The following SLC24A2 variants were observed in gnomAD, a reference collection of about 807,000 sequenced individuals.
SLC24A2 encodes the protein sodium/potassium/calcium exchanger 2.
Under a neutral mutation model 62.0 loss-of-function variants are expected in SLC24A2, and 36 were observed. That is an observed-to-expected ratio of 0.58 (90% CI 0.44 to 0.77). SLC24A2 has a LOEUF of 0.77. SLC24A2 is among the 30% of genes least tolerant of loss of function. The pLI, the probability that SLC24A2 is intolerant of heterozygous loss-of-function variation, is 0.00. For synonymous variants in SLC24A2, 358 were observed against 294.0 expected (o/e 1.22, Z -2.23); for missense variants, 846 against 817.9 (o/e 1.03, Z -0.42).
At chr9:19,722,018 C>T (rs1821040922) in intron 2 of SLC24A2, among the ~76,000 whole-genome samples, 1 of 152,132 alleles carries the variant, frequency 6.6e-6, no homozygotes. Context: ...ATTCCTCATA[C>T]CCCATTGGTT....
At chr9:19,850,406 C>CAT in the SLC24A2 span, among the ~76,000 whole-genome samples, 4 of 151,988 alleles carry the variant, frequency 2.6e-5, no homozygotes, top group Non-Finnish European at 5.9e-5. Context: ...ATGTGCAAAG[C>CAT]ATATATATAT....
the SLC24A2 span, among the ~76,000 whole-genome samples, chr9:20,259,478 C>T: frequency 6.6e-6 from 1 of 152,070 alleles, no homozygotes; most frequent in Admixed American, 6.5e-5. Flanking sequence ...ATTTATCACA[C>T]TCGCCCTACC....
chr9:19,943,519 A>T, the SLC24A2 span, among the ~76,000 whole-genome samples: 1 of 152,162 alleles, frequency 6.6e-6, no homozygotes, highest in Non-Finnish European at 1.5e-5. Flanking sequence ...TACAGTATAT[A>T]TACTGCTTTT....
the SLC24A2 span, among the ~76,000 whole-genome samples, chr9:20,145,328 C>T: frequency 3.9e-4 from 60 of 152,100 alleles, 2 homozygotes; most frequent in African/African-American, 1.4e-3. Context: ...GGGGATATAA[C>T]ATGGGGGATA....
the SLC24A2 span, among the ~76,000 whole-genome samples, chr9:20,053,153 G>A: frequency 0.018 from 2,795 of 152,038 alleles, 81 homozygotes; most frequent in African/African-American, 0.064. Flanking sequence ...TTGATTTCTC[G>A]TCAACTTCAC....
At chr9:20,027,229 G>C in the SLC24A2 span, among the ~76,000 whole-genome samples, 1 of 152,070 alleles carries the variant, frequency 6.6e-6, no homozygotes, top group South Asian at 2.1e-4. Flanking sequence ...AGCTATTATG[G>C]AAAACAGTAG....
chr9:19,768,748 T>C (rs1007997727), intron 2 of SLC24A2, among the ~76,000 whole-genome samples: 8 of 152,218 alleles, frequency 5.3e-5, no homozygotes, highest in Non-Finnish European at 8.8e-5. Flanking sequence ...TGTGGTTGAC[T>C]GTGGTTGACC....
chr9:20,072,838 A>C, the SLC24A2 span, among the ~76,000 whole-genome samples: 1 of 152,164 alleles, frequency 6.6e-6, no homozygotes, highest in East Asian at 1.9e-4. Context: ...TTCAGAAGGA[A>C]GCAGACCCGC....
chr9:20,022,420 G>A, the SLC24A2 span, among the ~76,000 whole-genome samples: 1 of 152,202 alleles, frequency 6.6e-6, no homozygotes, highest in Non-Finnish European at 1.5e-5. Flanking sequence ...CTAAGGCACA[G>A]AACAATTATG....
At chr9:20,233,028 G>C in the SLC24A2 span, among the ~76,000 whole-genome samples, 1 of 152,076 alleles carries the variant, frequency 6.6e-6, no homozygotes, top group Non-Finnish European at 1.5e-5. Context: ...CCATGTAGTT[G>C]AGTGGTTTTG....
chr9:20,124,965 T>C, the SLC24A2 span, among the ~76,000 whole-genome samples: 3 of 152,178 alleles, frequency 2.0e-5, no homozygotes, highest in Non-Finnish European at 4.4e-5. Context: ...AGAAAGAGCA[T>C]GGACAAACAA....
intron 9 of SLC24A2, among the ~76,000 whole-genome samples, chr9:19,522,933 G>A (rs1240526465): frequency 6.6e-6 from 1 of 152,208 alleles, no homozygotes; most frequent in African/African-American, 2.4e-5. Flanking sequence ...CTGAGCAGAT[G>A]CTGACTAAAC....
chr9:20,251,502 T>C, the SLC24A2 span, among the ~76,000 whole-genome samples: 1 of 152,182 alleles, frequency 6.6e-6, no homozygotes, highest in Non-Finnish European at 1.5e-5. Flanking sequence ...CTTTTCCATG[T>C]TTGCTCAATC....
chr9:20,162,337 T>C, the SLC24A2 span, among the ~76,000 whole-genome samples: 2 of 151,724 alleles, frequency 1.3e-5, no homozygotes, highest in Non-Finnish European at 3.0e-5. Flanking sequence ...ATAAAATGCC[T>C]AGGCATAAAT....
chr9:20,187,398 C>T, the SLC24A2 span, among the ~76,000 whole-genome samples: 3 of 151,798 alleles, frequency 2.0e-5, no homozygotes, highest in Non-Finnish European at 4.4e-5. Context: ...CTTTTCCTGA[C>T]CCCCCGTTGC....
the SLC24A2 span, among the ~76,000 whole-genome samples, chr9:20,092,120 T>C: frequency 6.6e-6 from 1 of 151,980 alleles, no homozygotes; most frequent in Non-Finnish European, 1.5e-5. Context: ...AGGGAGAAGA[T>C]CAGAAAAAAA....
chr9:19,969,971 A>C, the SLC24A2 span, among the ~76,000 whole-genome samples: 1 of 152,158 alleles, frequency 6.6e-6, no homozygotes, highest in Admixed American at 6.5e-5. Flanking sequence ...GAGAGACTAC[A>C]GGACATCATG....
chr9:20,206,887 G>GGC, the SLC24A2 span, among the ~76,000 whole-genome samples: 4 of 148,984 alleles, frequency 2.7e-5, no homozygotes, highest in South Asian at 4.3e-4. Context: ...AAGTTGGGGG[G>GGC]GGCGGTTACG....
At chr9:20,111,996 T>C in the SLC24A2 span, among the ~76,000 whole-genome samples, 1 of 152,176 alleles carries the variant, frequency 6.6e-6, no homozygotes, top group African/African-American at 2.4e-5. Flanking sequence ...CTTCCAGATA[T>C]AGTTTTGAAT....
Sources: gnomAD v4.1 joint callset for allele counts (sites outside exome capture counted in the v4.1 genomes callset) on GRCh38, gnomAD v4.1.1 for gene constraint, MANE v1.5 for transcripts, NCBI Gene and HGNC (gene_info 2026-07-23, HGNC 2026-07-21) for gene names.